The following GABRG3 variants were observed in gnomAD, a reference collection of about 807,000 sequenced individuals.
GABRG3 encodes the protein gamma-aminobutyric acid receptor subunit gamma-3.
A neutral mutation model predicts 48.8 loss-of-function variants in GABRG3; 25 were observed. The observed-to-expected ratio is 0.51, with a 90% CI of 0.37 to 0.72. The LOEUF (loss-of-function observed/expected upper bound fraction) is 0.72, where lower values mean the gene tolerates loss of function less well. Ranked by LOEUF, GABRG3 falls within the 30% of genes least tolerant of loss-of-function variation. The pLI is 0.00. For missense variants in GABRG3, 394 were observed against 577.9 expected, an observed-to-expected ratio of 0.68 and a Z score of 3.26; for synonymous variants, 227 against 217.6, an observed-to-expected ratio of 1.04 and a Z score of -0.38.
chr15:27,299,391 G>A (rs1892117521), intron 3 of GABRG3, among the ~76,000 whole-genome samples: 1 of 152,192 alleles, frequency 6.6e-6, no homozygotes, highest in Non-Finnish European at 1.5e-5. Flanking sequence ...GTGGATTGCT[G>A]AAGAACACCA....
chr15:27,062,433 C>CAAAAAAAAAAAAAAAAAAA (rs1446464708), intron 3 of GABRG3, among the ~76,000 whole-genome samples: 1 of 27,164 alleles, frequency 3.7e-5, no homozygotes, highest in Non-Finnish European at 1.2e-4. Context: ...TCCATCTCTA[C>CAAAAAAAAAAAAAAAAAAA]TAAAAAAAAA....
intron 3 of GABRG3, among the ~76,000 whole-genome samples, chr15:27,239,931 T>C (rs1890085670): frequency 6.6e-6 from 1 of 152,218 alleles, no homozygotes; most frequent in Admixed American, 6.5e-5. Flanking sequence ...CAGCTAATTG[T>C]ATTATGATAA....
intron 3 of GABRG3, among the ~76,000 whole-genome samples, chr15:27,325,225 C>G (rs959422196): frequency 1.3e-5 from 2 of 152,216 alleles, no homozygotes; most frequent in Non-Finnish European, 2.9e-5. Flanking sequence ...CACACCTTCA[C>G]TGTGTGGCTC....
At chr15:26,971,635 C>A in intron 1 of GABRG3, 47 bp downstream of exon 1, 1 of 1,512,218 alleles carries the variant, frequency 6.6e-7, no homozygotes, top group Non-Finnish European at 8.8e-7. Context: ...AGCTGGGCGA[C>A]AGGGCGGCGG....
chr15:27,494,452 T>C (rs1358473728), intron 6 of GABRG3, among the ~76,000 whole-genome samples: 1 of 152,150 alleles, frequency 6.6e-6, no homozygotes, highest in Non-Finnish European at 1.5e-5. Flanking sequence ...GGTAGGATTC[T>C]CTAGGAAATA....
rs1364839201 is a variant in GABRG3, at chr15:27,388,373, G to GA, written c.574+59487dup. ...GAGGGTAAGGAAGGAAGGAAGAAAG[G>GA]AAGGAAGGAAGGAAAGGAGGGAGGG... On this transcript the variant is annotated intron_variant, in intron 5 of 9. Transcript: ENST00000615808. 1.6e-5 allele frequency among the ~76,000 whole-genome samples: 2 copies of GA among 125,810 alleles called. 1 individual carries two copies. The highest frequency in any genetic ancestry group is 5.3e-4 in the East Asian group (2 of 3,792). The allele number at this position is 125,810 out of a possible 152,430, so 82.5% of individuals were successfully genotyped here.
Position 27,260,049 on chromosome 15 carries a change from A to G in GABRG3, c.271-66760A>G, listed in dbSNP as rs75964656. The stretch of plus-strand genomic sequence containing the variant: ...CTCCAGAAAAATAATGTTGTGTCCT[A>G]ATTTCCATCCTCGGGACTCCTGTCT... On this transcript the variant is annotated intron_variant, in intron 3 of 9. Transcript: ENST00000615808. Among the ~76,000 whole-genome samples, 842 of 152,248 alleles carry G rather than the reference A, an allele frequency of 5.5e-3. 24 individuals are homozygous for G. In the East Asian group the frequency reaches 0.073, roughly 13 times the overall value.
chr15:27,022,519 A>G (rs1248566713), intron 2 of GABRG3, among the ~76,000 whole-genome samples: 1 of 152,192 alleles, frequency 6.6e-6, no homozygotes, highest in Admixed American at 6.5e-5. Flanking sequence ...CTTGTACTAT[A>G]TTAAATGTGA....
chr15:27,306,995 T>TATATAAACACATATA (rs1892558154), intron 3 of GABRG3, among the ~76,000 whole-genome samples: 2 of 111,058 alleles, frequency 1.8e-5, no homozygotes, highest in Admixed American at 1.9e-4. Context: ...AACATGTTTA[T>TATATAAACACATATA]ATATAAACAT....
intron 3 of GABRG3, among the ~76,000 whole-genome samples, chr15:27,108,893 A>G (rs1242682939): frequency 6.6e-6 from 1 of 152,098 alleles, no homozygotes; most frequent in Non-Finnish European, 1.5e-5. Flanking sequence ...GGCTATTCCA[A>G]CTTTCCTTTG....
At position 27,541,067 on chromosome 15, in the gene GABRG3, G is replaced by A. The variant is rs1449915251; in HGVS notation, c.*8186G>A. 6.6e-6 allele frequency: 1 copy of A among 152,176 alleles called. No individual in the cohort carries two copies. Among genetic ancestry groups the A allele is most frequent in the Non-Finnish European group, 1.5e-5 (1 of 68,070 alleles). The allele number at this position is 152,176 out of a possible 1,614,324, so 9.4% of individuals were successfully genotyped here. ...ATCTGTACATTTCCTGACAAAGTGG[G>A]ATCATGTTCTTTCCAAGAAAAGGAA... On this transcript the variant is annotated 3_prime_UTR_variant, in exon 10 of 10. Coordinates refer to ENST00000615808, the MANE Select transcript of GABRG3 (RefSeq NM_033223.5).
chr15:27,313,392 G>T (rs186727388), intron 3 of GABRG3, among the ~76,000 whole-genome samples: 355 of 146,292 alleles, frequency 2.4e-3, no homozygotes, highest in African/African-American at 8.5e-3. Context: ...ATAGTAGTAG[G>T]AGACTTCAGC....
At chr15:27,494,276 A>T (rs1163716647) in intron 6 of GABRG3, among the ~76,000 whole-genome samples, 1 of 152,076 alleles carries the variant, frequency 6.6e-6, no homozygotes, top group Non-Finnish European at 1.5e-5. Flanking sequence ...TTCAATATTA[A>T]TATTGTATCA....
At chr15:27,258,088 A>G (rs990095204) in intron 3 of GABRG3, among the ~76,000 whole-genome samples, 1 of 152,132 alleles carries the variant, frequency 6.6e-6, no homozygotes, top group South Asian at 2.1e-4. Flanking sequence ...GTCCTTGCTA[A>G]TGGGTAATGA....
intron 5 of GABRG3, among the ~76,000 whole-genome samples, chr15:27,342,037 AGGAG>A (rs1441616528): frequency 1.3e-5 from 2 of 152,226 alleles, no homozygotes; most frequent in Non-Finnish European, 2.9e-5. Flanking sequence ...AATTTGGAAG[AGGAG>A]TAAATGCCAG....
At chr15:27,104,738 A>G (rs1174905284) in intron 3 of GABRG3, among the ~76,000 whole-genome samples, 3 of 152,222 alleles carry the variant, frequency 2.0e-5, no homozygotes, top group African/African-American at 7.2e-5. Flanking sequence ...AGACTGTGCA[A>G]TACACTGAAA....
intron 3 of GABRG3, among the ~76,000 whole-genome samples, chr15:27,172,904 C>T (rs1176408076): frequency 2.0e-5 from 3 of 152,162 alleles, no homozygotes; most frequent in South Asian, 2.1e-4. Flanking sequence ...TCATTCCTCT[C>T]GGGCCAACTG....
chr15:27,000,842 CTCAGA>C (rs1321268088), intron 2 of GABRG3, among the ~76,000 whole-genome samples: 1 of 152,180 alleles, frequency 6.6e-6, no homozygotes, highest in African/African-American at 2.4e-5. Context: ...ATTGTCCAGT[CTCAGA>C]TATTTCTTTA....
intron 3 of GABRG3, among the ~76,000 whole-genome samples, chr15:27,075,778 C>T (rs1469867325): frequency 1.3e-5 from 2 of 152,086 alleles, no homozygotes; most frequent in African/African-American, 4.8e-5. Context: ...CAGGATGGCT[C>T]CCTGGTGGGG....
Sources: gnomAD v4.1 joint callset for allele counts (sites outside exome capture counted in the v4.1 genomes callset) on GRCh38, gnomAD v4.1.1 for gene constraint, MANE v1.5 for transcripts, NCBI Gene and HGNC (gene_info 2026-07-23, HGNC 2026-07-21) for gene names.